The following GRB10 variants were observed in gnomAD, a reference collection of about 807,000 sequenced individuals.
GRB10 encodes growth factor receptor bound protein 10, also known as growth factor receptor-bound protein 10.
GRB10 carries 20 observed loss-of-function variants against 80.9 expected under a neutral mutation model. The observed-to-expected ratio is 0.25, with a 90% confidence interval of 0.17 to 0.36. The LOEUF (loss-of-function observed/expected upper bound fraction) is 0.36, where lower values mean the gene tolerates loss of function less well. GRB10 is among the 10% of genes least tolerant of loss of function. The probability of loss-of-function intolerance (pLI) is 1.00; values close to 1 mark genes in which losing one functional copy is unlikely to be tolerated. For missense variants in GRB10, 548 were observed against 747.7 expected (o/e 0.73, Z 3.12); for synonymous variants, 291 against 291.5 (o/e 1.00, Z 0.02).
chr7:50,772,968 T>C (rs370816342), intron 2 of GRB10, among the ~76,000 whole-genome samples: 2 of 152,214 alleles, frequency 1.3e-5, no homozygotes, highest in African/African-American at 2.4e-5. Flanking sequence ...TCCGTTTTCA[T>C]GCTGCTGATA....
intron 7 of GRB10, among the ~76,000 whole-genome samples, chr7:50,635,633 G>A (rs2054830277): frequency 6.6e-6 from 1 of 151,930 alleles, no homozygotes. Flanking sequence ...AAAATTGATA[G>A]CTAGCAAGTT....
At chr7:50,719,721 T>C (rs2067419081) in intron 4 of GRB10, among the ~76,000 whole-genome samples, 1 of 152,176 alleles carries the variant, frequency 6.6e-6, no homozygotes, top group Non-Finnish European at 1.5e-5. Context: ...AGTAACCATC[T>C]TTAACAATTA....
chr7:50,754,600 T>C (rs2074753361), intron 3 of GRB10, among the ~76,000 whole-genome samples: 1 of 152,218 alleles, frequency 6.6e-6, no homozygotes, highest in Non-Finnish European at 1.5e-5. Flanking sequence ...CATGCGCACC[T>C]TCTGAATTTA....
At chr7:50,603,886 AG>A in intron 17 of GRB10, 111 bp downstream of exon 17, 1 of 933,656 alleles carries the variant, frequency 1.1e-6, no homozygotes, top group Non-Finnish European at 1.8e-6. Flanking sequence ...CTTTAAAATG[AG>A]GACAAAACTG....
At chr7:50,746,331 C>A (rs796562814) in intron 3 of GRB10, among the ~76,000 whole-genome samples, 1 of 152,194 alleles carries the variant, frequency 6.6e-6, no homozygotes, top group Non-Finnish European at 1.5e-5. Context: ...ACAGTCAAAC[C>A]GTCATTAAAT....
At chr7:50,684,029 T>C (rs967698792) in intron 5 of GRB10, among the ~76,000 whole-genome samples, 18 of 152,038 alleles carry the variant, frequency 1.2e-4, no homozygotes, top group Admixed American at 2.0e-4. Context: ...ACATGGCAGG[T>C]GGGATTTTAA....
intron 12 of GRB10, among the ~76,000 whole-genome samples, chr7:50,613,430 T>C (rs2049947420): frequency 6.6e-6 from 1 of 152,008 alleles, no homozygotes. Flanking sequence ...GTAGGCACCA[T>C]GGGGAGAAGA....
intron 5 of GRB10, among the ~76,000 whole-genome samples, chr7:50,678,186 G>A (rs2061159780): frequency 6.6e-6 from 1 of 152,216 alleles, no homozygotes. Context: ...CAAATGCAAA[G>A]TAATTCTGTC....
intron 4 of GRB10, chr7:50,705,197 G>C (rs2302018): frequency 2.0e-6 from 2 of 985,692 alleles, no homozygotes; most frequent in East Asian, 1.1e-4. Flanking sequence ...CACTCACAAT[G>C]GGGGGAAGCA....
intron 9 of GRB10, among the ~76,000 whole-genome samples, chr7:50,618,530 A>G (rs746699451): frequency 5.9e-5 from 9 of 152,222 alleles, no homozygotes; most frequent in Non-Finnish European, 1.0e-4. Context: ...CCCCAAAAAC[A>G]GTCTTCAAAT....
chr7:50,671,913 G>C (rs17152083), intron 6 of GRB10, among the ~76,000 whole-genome samples: 13,518 of 152,282 alleles, frequency 0.089, 795 homozygotes, highest in South Asian at 0.12. Flanking sequence ...CAATAGAAGG[G>C]ACAGTGACTA....
chr7:50,626,078 ATATT>A (rs1273741536), intron 8 of GRB10, among the ~76,000 whole-genome samples: 2 of 152,264 alleles, frequency 1.3e-5, no homozygotes, highest in Admixed American at 1.3e-4. Context: ...TGTAAGAACT[ATATT>A]TATTAGATAA....
chr7:50,666,934 G>A (rs2529418), intron 7 of GRB10, among the ~76,000 whole-genome samples: 83,258 of 151,112 alleles, frequency 0.55, 23,274 homozygotes, highest in African/African-American at 0.61. Context: ...CAGCTACTCA[G>A]GAGGCTGAGG....
chr7:50,620,075 G>C (rs962789042), intron 8 of GRB10, among the ~76,000 whole-genome samples: 27 of 152,364 alleles, frequency 1.8e-4, no homozygotes, highest in Admixed American at 2.6e-4. Flanking sequence ...CTCTAGAACA[G>C]CGTGTGCCCA....
rs2074739066 is a variant in GRB10 at position 50,754,547 on chromosome 7, A to G, written c.-47+1340T>C. The stretch of plus-strand genomic sequence containing the variant: ...CAGGGGCACAGACTCTCAGAAAAAA[A>G]GCAACGGCAGTGTGAGCTGTCTGGA... On this transcript the variant is annotated intron_variant, in intron 3 of 18. Coordinates refer to ENST00000401949, the MANE Select transcript of GRB10 (RefSeq NM_001350814.2). 3.9e-5 allele frequency among the ~76,000 whole-genome samples: 6 copies of G among 152,228 alleles called. No homozygotes were observed. In the South Asian group the frequency reaches 1.2e-3, roughly 31 times the overall value.
intron 1 of GRB10, among the ~76,000 whole-genome samples, chr7:50,790,572 C>G (rs941079879): frequency 6.6e-6 from 1 of 152,276 alleles, no homozygotes; most frequent in East Asian, 1.9e-4. Context: ...CAGGCTTCCC[C>G]TCCAGGGAGC....
intron 13 of GRB10, among the ~76,000 whole-genome samples, chr7:50,609,334 T>C (rs2153574192): frequency 6.6e-6 from 1 of 152,256 alleles, no homozygotes; most frequent in Middle Eastern, 3.4e-3. Context: ...AAAGCTGAGG[T>C]AAAAATCATT....
At chr7:50,636,235 T>C (rs1037575768) in intron 7 of GRB10, among the ~76,000 whole-genome samples, 6 of 152,110 alleles carry the variant, frequency 3.9e-5, no homozygotes, top group African/African-American at 1.4e-4. Flanking sequence ...CACCTCAGCC[T>C]CCCAAAGTGC....
At chr7:50,716,484 A>G (rs2066892579) in intron 4 of GRB10, among the ~76,000 whole-genome samples, 1 of 152,232 alleles carries the variant, frequency 6.6e-6, no homozygotes, top group Admixed American at 6.5e-5. Context: ...ACCCATAACG[A>G]TAAGGGAAAT....
Sources: gnomAD v4.1 joint callset for allele counts (sites outside exome capture counted in the v4.1 genomes callset) on GRCh38, gnomAD v4.1.1 for gene constraint, MANE v1.5 for transcripts, NCBI Gene and HGNC (gene_info 2026-07-23, HGNC 2026-07-21) for gene names.